The following KIF13A variants were observed in gnomAD, a reference collection of about 807,000 sequenced individuals.
KIF13A encodes kinesin family member 13A.
A neutral mutation model predicts 212.2 loss-of-function variants in KIF13A; 79 were observed. The observed-to-expected ratio is 0.37, with a 90% CI of 0.31 to 0.45. The LOEUF is 0.45. Ranked by LOEUF, KIF13A falls within the 20% of genes least tolerant of loss-of-function variation. KIF13A has a pLI of 1.00. For synonymous variants in KIF13A, 789 were observed against 808.6 expected, an observed-to-expected ratio of 0.98 and a Z score of 0.41; for missense variants, 1,901 against 2,209.0, an observed-to-expected ratio of 0.86 and a Z score of 2.79.
chr6:17,948,249 T>C (rs1777573117), intron 2 of KIF13A, among the ~76,000 whole-genome samples: 1 of 152,228 alleles, frequency 6.6e-6, no homozygotes, highest in African/African-American at 2.4e-5. Flanking sequence ...AGAGATTCAT[T>C]ACCAAAGTGT....
chr6:17,775,203 T>G (rs1759846075), intron 34 of KIF13A, 141 bp from the exon 35 acceptor site: 1 of 621,874 alleles, frequency 1.6e-6, no homozygotes, highest in African/African-American at 1.9e-5. Context: ...CCAGGAGTAG[T>G]GACTACTCTC....
chr6:17,775,801 C>T (rs905076244), intron 34 of KIF13A, among the ~76,000 whole-genome samples: 1 of 152,060 alleles, frequency 6.6e-6, no homozygotes, highest in Admixed American at 6.6e-5. Flanking sequence ...ATCCTCTCGC[C>T]TTGGCTTCCA....
rs905005153 is a variant in KIF13A, at chr6:17,817,532, G to C, written c.1787-299C>G. On this transcript the variant is annotated intron_variant, in intron 16 of 38. Transcript: ENST00000259711. ...ATTAACCTACTACCAGCAGATGGGG[G>C]AAGAGAGAGGAATGTGATCTTATCC... is the stretch of plus-strand genomic sequence containing the variant. Among the ~76,000 whole-genome samples, 4 of 152,196 alleles carry C rather than the reference G, an allele frequency of 2.6e-5. No homozygotes were observed. The East Asian group carries it at 7.7e-4, about 29-fold the overall frequency.
rs969568617 is a variant in KIF13A, at chr6:17,839,410, T to C, written c.831-1827A>G. On this transcript the variant is annotated intron_variant, in intron 9 of 38. Transcript: ENST00000259711. The surrounding 1 kb of genome is among the most constrained non-coding windows in gnomAD (Gnocchi z 4.3). ...AAACGACCACATGCCCATCAAATGA[T>C]GAAGTGATGAATAAAATCTGGTATA... Among the ~76,000 whole-genome samples, 2 of 152,176 alleles carry C rather than the reference T, an allele frequency of 1.3e-5. No individual in the cohort carries two copies. The highest frequency in any genetic ancestry group is 2.9e-5 in the Non-Finnish European group (2 of 68,030).
intron 3 of KIF13A, chr6:17,881,923 G>C (rs1377574201): frequency 2.3e-6 from 1 of 436,944 alleles, no homozygotes; most frequent in East Asian, 7.1e-5. Flanking sequence ...TTGAACCCGG[G>C]AGACTGAGGT....
intron 6 of KIF13A, among the ~76,000 whole-genome samples, chr6:17,854,527 C>A (rs1272841904): frequency 3.5e-5 from 5 of 141,164 alleles, no homozygotes; most frequent in African/African-American, 1.3e-4. Flanking sequence ...TAAATAGATA[C>A]TAGTTTTAAA....
Position 17,837,616 on chromosome 6 carries a change from G to T in KIF13A, c.831-33C>A. 7.3e-7 allele frequency: 1 copy of T among 1,373,052 alleles called. No homozygotes were observed. Among genetic ancestry groups the T allele is most frequent in the Non-Finnish European group, 1.0e-6 (1 of 982,024 alleles). 85.1% of individuals were successfully genotyped at this position (1,373,052 alleles called of 1,614,324 possible). A position where few individuals can be genotyped will look rare whatever the true frequency, so the allele number is the denominator to read the frequency against. The stretch of plus-strand genomic sequence containing the variant: ...GAAAAAATGAAAAATTAGTTTTATG[G>T]AATGTTTATTTGGTTTAAGTATAAA... On this transcript the variant is annotated intron_variant, in intron 9 of 38. Transcript: ENST00000259711. This position sits in a 1 kb window ranked among gnomAD's most constrained non-coding sequence, Gnocchi z 5.4.
chr6:17,944,691 A>G (rs1423787588), intron 2 of KIF13A, among the ~76,000 whole-genome samples: 2 of 152,182 alleles, frequency 1.3e-5, no homozygotes, highest in Non-Finnish European at 2.9e-5. Context: ...TTTCACTTCC[A>G]AAATCTAAAG....
Position 17,961,371 on chromosome 6 carries a change from T to C in KIF13A, c.146+25683A>G, listed in dbSNP as rs866573054. ...ATAAGTTATTAAGATAGGCAATAAATCATGTCCCAGCATGAAAGGGACCTA... is the reference window on the plus strand; with the variant it reads ...ATAAGTTATTAAGATAGGCAATAAACCATGTCCCAGCATGAAAGGGACCTA... On this transcript the variant is annotated intron_variant, in intron 2 of 38. Coordinates refer to ENST00000259711, the MANE Select transcript of KIF13A (RefSeq NM_022113.6). This position sits in a 1 kb window ranked among gnomAD's most constrained non-coding sequence, Gnocchi z 4.1. 9.9e-5 allele frequency among the ~76,000 whole-genome samples: 15 copies of C among 152,264 alleles called. No homozygotes were observed. The East Asian group carries it at 2.9e-3, about 29-fold the overall frequency.
At chr6:17,917,914 T>C (rs577109338) in intron 2 of KIF13A, among the ~76,000 whole-genome samples, 3 of 152,234 alleles carry the variant, frequency 2.0e-5, no homozygotes, top group African/African-American at 7.2e-5. Flanking sequence ...ACTTCCACTT[T>C]GGAGGCTTCA....
chr6:17,953,811 G>A (rs1433372492), intron 2 of KIF13A: 1 of 178,342 alleles, frequency 5.6e-6, no homozygotes, highest in Non-Finnish European at 1.2e-5. Flanking sequence ...GAATAGGTAG[G>A]CTTCTGTAAA....
In KIF13A at chr6:17,932,380, A is replaced by G. The variant is rs560693028; in HGVS notation, c.147-34200T>C. Among the ~76,000 whole-genome samples, 62 of 152,368 alleles carry G rather than the reference A, an allele frequency of 4.1e-4. 1 individual carries two copies. Among genetic ancestry groups the G allele is most frequent in the Non-Finnish European group, 5.0e-4 (34 of 68,032 alleles). On this transcript the variant is annotated intron_variant, in intron 2 of 38. Coordinates refer to ENST00000259711, the MANE Select transcript of KIF13A (RefSeq NM_022113.6). The stretch of plus-strand genomic sequence containing the variant: ...CAATTAAACACCAAGAGTCAGCCAG[A>G]CTAAAGCATTGCTGGCTGAATAAAC...
intron 2 of KIF13A, among the ~76,000 whole-genome samples, chr6:17,927,724 C>T: frequency 6.6e-6 from 1 of 152,194 alleles, no homozygotes; most frequent in East Asian, 1.9e-4. Context: ...AATTTCCCAC[C>T]TCCATAATTG....
In KIF13A at chr6:17,817,113, G is replaced by A; in HGVS notation, c.1907C>T (p.Ser636Phe). The A allele has an allele frequency of 6.2e-7, 1 of 1,614,014 alleles. No individual in the cohort carries two copies. The highest frequency in any genetic ancestry group is 8.5e-7 in the Non-Finnish European group (1 of 1,179,908). Residue 636 changes from serine (S) to phenylalanine (F), a missense_variant, in exon 17 of 39, where the codon TCC (serine) becomes TTC (phenylalanine). Physicochemically the swap from Ser to Phe is radical, Grantham distance 155. Around this residue, in one of 5 missense-constraint regions of KIF13A, gnomAD observed 534 missense variants for 536.9 expected, o/e 0.99. Transcript: ENST00000259711. Reference sequence around the variant, plus strand: ...GCTACTCTGTGGCTGCCTGTCGGGGGAGAGCTGCTGGCGGAGTTGCTCCAG... The same window carrying A: ...GCTACTCTGTGGCTGCCTGTCGGGGAAGAGCTGCTGGCGGAGTTGCTCCAG... ...RELEQLRQQL[S>F]PDRQPQSSGP...
intron 2 of KIF13A, among the ~76,000 whole-genome samples, chr6:17,909,356 C>G (rs528199682): frequency 6.6e-6 from 1 of 150,458 alleles, no homozygotes; most frequent in East Asian, 2.0e-4. Context: ...GCCAACATGG[C>G]GAAACCCTGT....
chr6:17,886,891 GAA>G lies in KIF13A; in HGVS notation c.159+11275_159+11276del, dbSNP rs879513996. ...GTTTTGTTGTCGTTGTTAAAAAGAG[GAA>G]AAAAAAAAAAGTCTTGGGAAATTTT... is the stretch of plus-strand genomic sequence containing the variant. On this transcript the variant is annotated intron_variant, in intron 3 of 38. Transcript: ENST00000259711. This position sits in a 1 kb window ranked among gnomAD's most constrained non-coding sequence, Gnocchi z 5.6. Among the ~76,000 whole-genome samples, 1 of 141,106 alleles carries G rather than the reference GAA, an allele frequency of 7.1e-6. No homozygotes were observed. Among genetic ancestry groups the G allele is most frequent in the Non-Finnish European group, 1.6e-5 (1 of 64,182 alleles). The allele number at this position is 141,106 out of a possible 152,430, so 92.6% of individuals were successfully genotyped here.
chr6:17,837,401 C>T lies in KIF13A; in HGVS notation c.942+71G>A. On this transcript the variant is annotated intron_variant, in intron 10 of 38. Transcript: ENST00000259711. The surrounding 1 kb of genome is among the most constrained non-coding windows in gnomAD (Gnocchi z 5.4). Reference sequence around the variant, plus strand: ...CTTTAGGTATTTGGTTAGCTTTGTACACACCTTTACTCTGTCACATCTGGA... The same window carrying T: ...CTTTAGGTATTTGGTTAGCTTTGTATACACCTTTACTCTGTCACATCTGGA... 1.9e-6 allele frequency: 2 copies of T among 1,026,398 alleles called. No homozygotes were observed. Among genetic ancestry groups the T allele is most frequent in the South Asian group, 1.4e-5 (1 of 70,970 alleles). The allele number at this position is 1,026,398 out of a possible 1,614,324, so 63.6% of individuals were successfully genotyped here. A position where few individuals can be genotyped will look rare whatever the true frequency, so the allele number is the denominator to read the frequency against.
Position 17,849,021 on chromosome 6 carries a change from G to A in KIF13A, c.830+356C>T, listed in dbSNP as rs1286028120. On this transcript the variant is annotated intron_variant, in intron 9 of 38. Transcript: ENST00000259711. The surrounding 1 kb of genome is among the most constrained non-coding windows in gnomAD (Gnocchi z 5.7). Reference sequence around the variant, plus strand: ...CAACCTCCACCTCCCAAATTCAAGCGATTCTCCTGCATTAGTCTCCCAAGT... The same window carrying A: ...CAACCTCCACCTCCCAAATTCAAGCAATTCTCCTGCATTAGTCTCCCAAGT... 1.3e-5 allele frequency among the ~76,000 whole-genome samples: 2 copies of A among 152,074 alleles called. No homozygotes were observed. The highest frequency in any genetic ancestry group is 2.1e-4 in the South Asian group (1 of 4,820).
chr6:17,824,212 C>T (rs761163841), intron 16 of KIF13A, among the ~76,000 whole-genome samples: 26 of 152,162 alleles, frequency 1.7e-4, no homozygotes, highest in Middle Eastern at 3.4e-3. Context: ...CCTGGCCCTA[C>T]ATTTCATTTT....
Sources: allele counts gnomAD v4.1 joint callset (sites outside exome capture counted in the v4.1 genomes callset), GRCh38; gene constraint gnomAD v4.1.1; regional missense constraint gnomAD v4.1.1; non-coding constraint Gnocchi (gnomAD v3.1); transcripts MANE v1.5; gene names NCBI Gene and HGNC (gene_info 2026-07-23, HGNC 2026-07-21).